ACVR2B: variants seen among roughly 807,000 people sequenced by gnomAD.
The protein encoded by ACVR2B is activin A receptor type 2B, also known as activin receptor type-2B.
A neutral mutation model predicts 65.1 loss-of-function variants in ACVR2B; 18 were observed. That is an observed-to-expected ratio of 0.28 (90% CI 0.19 to 0.41). ACVR2B has a LOEUF of 0.41. Ranked by LOEUF, ACVR2B falls within the 10% of genes least tolerant of loss-of-function variation. ACVR2B has a pLI of 1.00. For synonymous variants in ACVR2B, 298 were observed against 277.7 expected (o/e 1.07, Z -0.73); for missense variants, 482 against 682.7 (o/e 0.71, Z 3.28).
chr3:38,487,614 G>A lies in ACVR2B; in HGVS notation c.*4282G>A, dbSNP rs1281777444. The A allele has an allele frequency of 2.0e-5, 3 of 152,256 alleles. No homozygotes were observed. Among genetic ancestry groups the A allele is most frequent in the Non-Finnish European group, 4.4e-5 (3 of 68,056 alleles). The allele number at this position is 152,256 out of a possible 1,614,324, so 9.4% of individuals were successfully genotyped here. A position where few individuals can be genotyped will look rare whatever the true frequency, so the allele number is the denominator to read the frequency against. On this transcript the variant is annotated 3_prime_UTR_variant, in exon 11 of 11. Transcript: ENST00000352511. ...ACTTGGCCCCTGTGCTCTGAGCCGT[G>A]AGGGTGGGGAGGTGGCTGTTCCATT...
intron 1 of ACVR2B, among the ~76,000 whole-genome samples, chr3:38,459,075 C>G (rs523010): frequency 6.6e-5 from 10 of 152,158 alleles, no homozygotes; most frequent in Non-Finnish European, 1.2e-4. Flanking sequence ...AACCACTGAT[C>G]TAGAATGTTC....
chr3:38,470,506 A>G (rs190121985), intron 1 of ACVR2B, among the ~76,000 whole-genome samples: 7 of 152,352 alleles, frequency 4.6e-5, no homozygotes, highest in Non-Finnish European at 1.0e-4. Flanking sequence ...AAAAGCAACA[A>G]AGGCTCCTCT....
rs1459696354 is a variant in ACVR2B, at chr3:38,485,582, C to T, written c.*2250C>T. On this transcript the variant is annotated 3_prime_UTR_variant, in exon 11 of 11. Coordinates refer to ENST00000352511, the MANE Select transcript of ACVR2B (RefSeq NM_001106.4). ...CTATGGGAGGCCCATTTGCTTCCCT[C>T]TCGGAGCTCAGTTTTTGCTTCATGG... The T allele has an allele frequency of 3.3e-5, 5 of 150,942 alleles. No homozygotes were observed. Among genetic ancestry groups the T allele is most frequent in the African/African-American group, 1.2e-4 (5 of 40,740 alleles). The allele number at this position is 150,942 out of a possible 1,614,324, so 9.4% of individuals were successfully genotyped here.
chr3:38,461,663 T>C (rs1250861756), intron 1 of ACVR2B, among the ~76,000 whole-genome samples: 2 of 151,678 alleles, frequency 1.3e-5, no homozygotes, highest in East Asian at 3.9e-4. Flanking sequence ...GTTGGGGGAG[T>C]AGAAGTCACT....
chr3:38,483,464 T>TATG lies in ACVR2B; in HGVS notation c.*134_*135insGAT, dbSNP rs1338989576. 4.4e-6 allele frequency: 2 copies of TATG among 454,566 alleles called. No individual in the cohort carries two copies. The highest frequency in any genetic ancestry group is 7.4e-6 in the Non-Finnish European group (2 of 271,398). 28.2% of individuals were successfully genotyped at this position (454,566 alleles called of 1,614,324 possible). On this transcript the variant is annotated 3_prime_UTR_variant, in exon 11 of 11. Transcript: ENST00000352511. This position sits in a 1 kb window ranked among gnomAD's most constrained non-coding sequence, Gnocchi z 4.8. ...CAGCTGCTATTTTACCTTGACTTTT[T>TATG]ATTATTATTATTATAATTATTATAA...
rs748463174 is a variant in ACVR2B, at chr3:38,478,275, C to A, written c.505C>A (p.His169Asn). 1.2e-6 allele frequency: 2 copies of A among 1,614,018 alleles called. No homozygotes were observed. The highest frequency in any genetic ancestry group is 3.3e-5 in the Admixed American group (2 of 60,012). ...CCGGCATCGCAAGCCCCCCTACGGT[C>A]ATGTGGACATCCATGAGGTGAGACA... ...MYRHRKPPYG[H>N]VDIHEDPGPP... is the part of the protein sequence containing the mutation. The change falls in exon 4 of 11, where the codon CAT (histidine) becomes AAT (asparagine). Residue 169 changes from histidine (H) to asparagine (N), a missense_variant. His to Asn is a moderately conservative substitution (Grantham distance 68). Transcript: ENST00000352511.
chr3:38,478,154 AC>A lies in ACVR2B; in HGVS notation c.389del (p.Pro130ArgfsTer58). The A allele has an allele frequency of 2.5e-6, 4 of 1,611,632 alleles. No homozygotes were observed. The highest frequency in any genetic ancestry group is 3.4e-6 in the Non-Finnish European group (4 of 1,179,736). On this transcript the variant is annotated frameshift_variant, in exon 4 of 11. Coordinates refer to ENST00000352511, the MANE Select transcript of ACVR2B (RefSeq NM_001106.4). LOFTEE classifies it high-confidence loss of function. The part of the protein sequence containing the change: ...AGGPEVTYEP[P>X]PTAPTLLTVL... ...TGTGTCCCCCAGTCACGTACGAGCCACCCCCGACAGCCCCCACCCTGCTCAC... is the reference window on the plus strand; with the variant it reads ...TGTGTCCCCCAGTCACGTACGAGCCACCCCGACAGCCCCCACCCTGCTCAC...
chr3:38,483,226 T>C lies in ACVR2B; in HGVS notation c.1433T>C (p.Val478Ala), dbSNP rs1401233677. The C allele has an allele frequency of 6.2e-7, 1 of 1,613,884 alleles. No individual in the cohort carries two copies. The highest frequency in any genetic ancestry group is 1.7e-5 in the Admixed American group (1 of 59,998). The change falls in exon 11 of 11, where the codon GTG (valine) becomes GCG (alanine). Residue 478 changes from valine to alanine, a missense_variant. Around this residue, in one of 5 missense-constraint regions of ACVR2B, gnomAD observed 223 missense variants for 386.3 expected, o/e 0.58. Coordinates refer to ENST00000352511, the MANE Select transcript of ACVR2B (RefSeq NM_001106.4). This position sits in a 1 kb window ranked among gnomAD's most constrained non-coding sequence, Gnocchi z 4.8. ...TCCGCGGGCTGTGTGGAGGAGCGGG[T>C]GTCCCTGATTCGGAGGTCGGTCAAC... ...RLSAGCVEER[V>A]SLIRRSVNGT...
intron 1 of ACVR2B, among the ~76,000 whole-genome samples, chr3:38,464,296 C>T (rs1263553002): frequency 6.6e-6 from 1 of 152,238 alleles, no homozygotes; most frequent in African/African-American, 2.4e-5. Flanking sequence ...CATGGACAAT[C>T]TTGTCTACAC....
In ACVR2B at chr3:38,477,046, TA is replaced by T; in HGVS notation, c.53-240del. 6.7e-6 allele frequency: 4 copies of T among 594,180 alleles called. No homozygotes were observed. Among genetic ancestry groups the T allele is most frequent in the Non-Finnish European group, 9.0e-6 (3 of 332,974 alleles). 36.8% of individuals were successfully genotyped at this position (594,180 alleles called of 1,614,324 possible). A position where few individuals can be genotyped will look rare whatever the true frequency, so the allele number is the denominator to read the frequency against. ...CTGCCTCCTCCCTTTTGCTTAGGCC[TA>T]GGGGCAGCTGTGATGGGCTGCAGAA... On this transcript the variant is annotated intron_variant, in intron 1 of 10. Transcript: ENST00000352511. This position sits in a 1 kb window ranked among gnomAD's most constrained non-coding sequence, Gnocchi z 6.7.
chr3:38,471,063 A>T (rs1231604721), intron 1 of ACVR2B, among the ~76,000 whole-genome samples: 1 of 152,182 alleles, frequency 6.6e-6, no homozygotes, highest in East Asian at 1.9e-4. Flanking sequence ...AGAAAAGGTA[A>T]TTTTCTCTAA....
intron 1 of ACVR2B, among the ~76,000 whole-genome samples, chr3:38,472,913 A>G (rs937747642): frequency 1.3e-5 from 2 of 151,548 alleles, no homozygotes; most frequent in Non-Finnish European, 2.9e-5. Flanking sequence ...GGAGAAACGA[A>G]CCTCCCAGTA....
At position 38,477,321 on chromosome 3, in the gene ACVR2B, C is replaced by T; in HGVS notation, c.87C>T (p.Cys29=). 8 of 1,614,140 alleles carry T rather than the reference C, an allele frequency of 5.0e-6. No homozygotes were observed. The highest frequency in any genetic ancestry group is 3.4e-6 in the Non-Finnish European group (4 of 1,179,992). Residue 29 remains cysteine (C), a synonymous_variant, in exon 2 of 11, where the codon TGC becomes TGT. Coordinates refer to ENST00000352511, the MANE Select transcript of ACVR2B (RefSeq NM_001106.4). This position sits in a 1 kb window ranked among gnomAD's most constrained non-coding sequence, Gnocchi z 6.7. ...GTGGGGAGGCTGAGACACGGGAGTG[C>T]ATCTACTACAACGCCAACTGGGAGC... The part of the protein sequence containing the change: ...SGRGEAETRE[C]IYYNANWELE...
In ACVR2B at chr3:38,490,816, T is replaced by C; in HGVS notation, c.*7484T>C. On this transcript the variant is annotated 3_prime_UTR_variant, in exon 11 of 11. Transcript: ENST00000352511. ...TTAAAGCAAAACTCTTCCCAAGGAC[T>C]GAAGAAAGGGCTTCTGGCAAGCTCG... is the stretch of plus-strand genomic sequence containing the variant. 1 of 152,652 alleles carries C rather than the reference T, an allele frequency of 6.6e-6. No individual in the cohort carries two copies. Among genetic ancestry groups the C allele is most frequent in the East Asian group, 1.9e-4 (1 of 5,198 alleles). 9.5% of individuals were successfully genotyped at this position (152,652 alleles called of 1,614,324 possible).
rs963877716 is a variant in ACVR2B at position 38,484,462 on chromosome 3, C to T, written c.*1130C>T. The T allele has an allele frequency of 6.6e-6, 1 of 152,260 alleles. No individual in the cohort carries two copies. Among genetic ancestry groups the T allele is most frequent in the Non-Finnish European group, 1.5e-5 (1 of 68,074 alleles). The allele number at this position is 152,260 out of a possible 1,614,324, so 9.4% of individuals were successfully genotyped here. A position where few individuals can be genotyped will look rare whatever the true frequency, so the allele number is the denominator to read the frequency against. ...CGCTGGGGACCCCAGAGTCCTGCAC[C>T]TCTGGTTCCGCCCCAGGTGGTGACA... On this transcript the variant is annotated 3_prime_UTR_variant, in exon 11 of 11. Coordinates refer to ENST00000352511, the MANE Select transcript of ACVR2B (RefSeq NM_001106.4).
chr3:38,477,363 G>A lies in ACVR2B; in HGVS notation c.129G>A (p.Gln43=). The change falls in exon 2 of 11, where the codon CAG becomes CAA. Residue 43 remains glutamine, a synonymous_variant. Transcript: ENST00000352511. This position sits in a 1 kb window ranked among gnomAD's most constrained non-coding sequence, Gnocchi z 6.7. ...NANWELERTN[Q]SGLERCEGEQ... is the part of the protein sequence containing the mutation. ...ACTGGGAGCTGGAGCGCACCAACCA[G>A]AGCGGCCTGGAGCGCTGCGAAGGCG... The A allele has an allele frequency of 1.2e-6, 2 of 1,614,172 alleles. No individual in the cohort carries two copies. The highest frequency in any genetic ancestry group is 1.7e-5 in the Admixed American group (1 of 60,034).
intron 1 of ACVR2B, among the ~76,000 whole-genome samples, chr3:38,466,432 G>A (rs946095397): frequency 3.9e-5 from 6 of 151,948 alleles, no homozygotes; most frequent in Admixed American, 2.0e-4. Flanking sequence ...ATTACGCAGT[G>A]TATATATGTA....
intron 1 of ACVR2B, among the ~76,000 whole-genome samples, chr3:38,465,371 C>T (rs1709710715): frequency 1.5e-5 from 2 of 137,018 alleles, no homozygotes; most frequent in Admixed American, 1.7e-4. Flanking sequence ...GCCCTCCAGC[C>T]TGGGTGACAG....
rs552826522 is a variant in ACVR2B, at chr3:38,487,662, C to T, written c.*4330C>T. ...ATTAAAGTGGGAGTATTGGATGGCC[C>T]TCTTGAAACTAGAATTTTGCCTTTT... On this transcript the variant is annotated 3_prime_UTR_variant, in exon 11 of 11. Coordinates refer to ENST00000352511, the MANE Select transcript of ACVR2B (RefSeq NM_001106.4). 1.3e-5 allele frequency: 2 copies of T among 152,256 alleles called. No homozygotes were observed. The highest frequency in any genetic ancestry group is 1.9e-4 in the East Asian group (1 of 5,178). The allele number at this position is 152,256 out of a possible 1,614,324, so 9.4% of individuals were successfully genotyped here.
Sources: allele counts gnomAD v4.1 joint callset (sites outside exome capture counted in the v4.1 genomes callset), GRCh38; gene constraint gnomAD v4.1.1; regional missense constraint gnomAD v4.1.1; non-coding constraint Gnocchi (gnomAD v3.1); transcripts MANE v1.5; gene names NCBI Gene and HGNC (gene_info 2026-07-23, HGNC 2026-07-21).